ADAMTS6: variants seen among roughly 807,000 people sequenced by gnomAD.
ADAMTS6 encodes the protein ADAM metallopeptidase with thrombospondin type 1 motif 6.
In ADAMTS6, 23 loss-of-function variants were observed where a neutral mutation model predicts 144.3. The observed-to-expected ratio is 0.16, with a 90% CI of 0.11 to 0.23. The LOEUF is 0.23. ADAMTS6 is among the 10% of genes least tolerant of loss of function. The pLI is 1.00. For missense variants in ADAMTS6, 999 were observed against 1,379.6 expected (o/e 0.72, Z 4.37); for synonymous variants, 444 against 457.5 (o/e 0.97, Z 0.38).
intron 7 of ADAMTS6, among the ~76,000 whole-genome samples, chr5:65,358,217 C>T (rs1749517908): frequency 6.6e-6 from 1 of 151,888 alleles, no homozygotes; most frequent in African/African-American, 2.4e-5. Flanking sequence ...GAACTAAAAT[C>T]AAGTGATCAT....
intron 11 of ADAMTS6, among the ~76,000 whole-genome samples, chr5:65,277,823 C>T (rs1762668860): frequency 6.6e-6 from 1 of 152,004 alleles, no homozygotes; most frequent in South Asian, 2.1e-4. Context: ...ACCCGCTGCC[C>T]AAGACTTTTT....
intron 7 of ADAMTS6, among the ~76,000 whole-genome samples, chr5:65,370,101 T>G (rs1049569301): frequency 6.6e-6 from 1 of 152,168 alleles, no homozygotes; most frequent in Non-Finnish European, 1.5e-5. Flanking sequence ...TCAAAATGTA[T>G]GTTTTCATTT....
intron 7 of ADAMTS6, among the ~76,000 whole-genome samples, chr5:65,372,266 T>C (rs956910782): frequency 6.6e-5 from 10 of 150,418 alleles, no homozygotes; most frequent in Non-Finnish European, 7.4e-5. Flanking sequence ...ATATTAACTT[T>C]AAATGTAAAT....
intron 20 of ADAMTS6, chr5:65,198,817 T>A (rs1302054438): frequency 6.4e-6 from 1 of 157,360 alleles, no homozygotes; most frequent in African/African-American, 2.4e-5. Context: ...CAATGAAGTT[T>A]ATGTGACGAC....
intron 3 of ADAMTS6, among the ~76,000 whole-genome samples, chr5:65,466,903 G>T (rs189941001): frequency 5.4e-4 from 82 of 152,088 alleles, no homozygotes; most frequent in African/African-American, 1.9e-3. Context: ...TTAGCCGGGC[G>T]TAGTGGCGGG....
At chr5:65,192,720 A>G (rs1394275289) in intron 21 of ADAMTS6, among the ~76,000 whole-genome samples, 1 of 150,694 alleles carries the variant, frequency 6.6e-6, no homozygotes, top group Non-Finnish European at 1.5e-5. Context: ...TAGTCACTTT[A>G]CTACCTTGAC....
At chr5:65,257,474 G>T (rs1760784917) in intron 14 of ADAMTS6, among the ~76,000 whole-genome samples, 1 of 151,666 alleles carries the variant, frequency 6.6e-6, no homozygotes, top group African/African-American at 2.4e-5. Flanking sequence ...TTCCCTGTTA[G>T]CCCTCTTTGG....
At chr5:65,238,974 AT>A (rs1476856738) in intron 15 of ADAMTS6, among the ~76,000 whole-genome samples, 1 of 152,196 alleles carries the variant, frequency 6.6e-6, no homozygotes, top group Non-Finnish European at 1.5e-5. Flanking sequence ...CAGTTAGCAT[AT>A]TGGAAGAACT....
chr5:65,391,420 A>C (rs1270679497), intron 7 of ADAMTS6, among the ~76,000 whole-genome samples: 1 of 29,528 alleles, frequency 3.4e-5, no homozygotes, highest in East Asian at 3.5e-4. Flanking sequence ...GTGTCTCTCT[A>C]CACACACACA....
At chr5:65,249,547 G>C (rs1442068427) in intron 14 of ADAMTS6, among the ~76,000 whole-genome samples, 1 of 152,036 alleles carries the variant, frequency 6.6e-6, no homozygotes, top group Non-Finnish European at 1.5e-5. Context: ...CTGTTCTAAA[G>C]CCTTTTAAAT....
chr5:65,163,435 A>G (rs1752910255), intron 24 of ADAMTS6, among the ~76,000 whole-genome samples: 1 of 152,200 alleles, frequency 6.6e-6, no homozygotes, highest in Admixed American at 6.5e-5. Flanking sequence ...AGAGTAAATT[A>G]TGTGTATAAT....
In ADAMTS6 at chr5:65,333,501, G is replaced by T. The variant is rs527449629; in HGVS notation, c.1117+541C>A. On this transcript the variant is annotated intron_variant, in intron 8 of 24. Transcript: ENST00000381055. ...ATTTTTTGTTGTTGTTGTTTGGGTA[G>T]TATAAAATTTCCAATACTATCTTAA... Among the ~76,000 whole-genome samples the T allele has an allele frequency of 7.2e-5, 11 of 151,912 alleles. No homozygotes were observed. In the South Asian group the frequency reaches 2.3e-3, roughly 31 times the overall value.
chr5:65,260,622 C>A lies in ADAMTS6; in HGVS notation c.1808G>T (p.Arg603Leu). 6.2e-7 allele frequency: 1 copy of A among 1,613,408 alleles called. No individual in the cohort carries two copies. Among genetic ancestry groups the A allele is most frequent in the Non-Finnish European group, 8.5e-7 (1 of 1,179,686 alleles). Residue 603 changes from arginine (R) to leucine (L), a missense_variant, in exon 14 of 25, where the codon CGG (arginine) becomes CTG (leucine). Physicochemically the swap from Arg to Leu is moderately radical, Grantham distance 102. Around this residue, in one of 3 missense-constraint regions of ADAMTS6, gnomAD observed 619 missense variants for 837.0 expected, o/e 0.74. Transcript: ENST00000381055. The part of the protein sequence containing the change: ...GGKYCLGERK[R>L]YRSCNTDPCP... ...TACATCTGTGTTACAGGAGCGATAC[C>A]GTTTCCTTTCCCCAAGGCAATATTT...
intron 7 of ADAMTS6, among the ~76,000 whole-genome samples, chr5:65,449,850 A>G (rs1222301282): frequency 6.6e-6 from 1 of 152,122 alleles, no homozygotes; most frequent in Non-Finnish European, 1.5e-5. Flanking sequence ...GAATACCTAT[A>G]TATGTGCTTG....
At chr5:65,455,490 C>T (rs1026850563) in intron 4 of ADAMTS6, among the ~76,000 whole-genome samples, 3 of 151,898 alleles carry the variant, frequency 2.0e-5, no homozygotes, top group Admixed American at 6.6e-5. Context: ...TGCAGTGAGC[C>T]AAGATCACAC....
chr5:65,406,358 G>C (rs1038158683), intron 7 of ADAMTS6, among the ~76,000 whole-genome samples: 1 of 152,038 alleles, frequency 6.6e-6, no homozygotes, highest in African/African-American at 2.4e-5. Context: ...TAGCATGAAG[G>C]GGTGTTGAAT....
At chr5:65,398,363 T>A (rs1753530658) in intron 7 of ADAMTS6, among the ~76,000 whole-genome samples, 1 of 152,212 alleles carries the variant, frequency 6.6e-6, no homozygotes, top group African/African-American at 2.4e-5. Flanking sequence ...ACTGACTCCT[T>A]TATCATTACG....
chr5:65,272,143 T>C (rs1762104241), intron 12 of ADAMTS6, among the ~76,000 whole-genome samples: 1 of 152,182 alleles, frequency 6.6e-6, no homozygotes, highest in African/African-American at 2.4e-5. Flanking sequence ...TACTTAAACA[T>C]CAGATTGCAA....
chr5:65,307,053 T>C (rs1461757288), intron 9 of ADAMTS6, among the ~76,000 whole-genome samples: 1 of 152,232 alleles, frequency 6.6e-6, no homozygotes, highest in Non-Finnish European at 1.5e-5. Context: ...ACATTTCATG[T>C]TCCTTATGTC....
Sources: allele counts gnomAD v4.1 joint callset (sites outside exome capture counted in the v4.1 genomes callset), GRCh38; gene constraint gnomAD v4.1.1; regional missense constraint gnomAD v4.1.1; transcripts MANE v1.5; gene names NCBI Gene and HGNC (gene_info 2026-07-23, HGNC 2026-07-21).